The following UNC5D variants were observed in gnomAD, a reference collection of about 807,000 sequenced individuals.
UNC5D encodes the protein unc-5 netrin receptor D, also known as netrin receptor UNC5D.
In UNC5D, 39 loss-of-function variants were observed where a neutral mutation model predicts 105.4. The ratio of observed to expected loss-of-function variants is 0.37; its 90% CI spans 0.29 to 0.48. UNC5D has a LOEUF of 0.48. Ranked by LOEUF, UNC5D falls within the 20% of genes least tolerant of loss-of-function variation. UNC5D has a pLI of 0.98. For synonymous variants in UNC5D, 452 were observed against 450.4 expected (o/e 1.00, Z -0.04); for missense variants, 991 against 1,202.4 (o/e 0.82, Z 2.60).
intron 4 of UNC5D, among the ~76,000 whole-genome samples, chr8:35,681,796 AAAGT>A (rs1330398602): frequency 6.6e-6 from 1 of 152,176 alleles, no homozygotes; most frequent in Non-Finnish European, 1.5e-5. Context: ...AACCTCTTCT[AAAGT>A]AAGTTTTGGA....
chr8:35,658,686 C>T (rs781400238), intron 4 of UNC5D, among the ~76,000 whole-genome samples: 1 of 125,782 alleles, frequency 8.0e-6, no homozygotes, highest in East Asian at 2.7e-4. Flanking sequence ...GAGTCTCACT[C>T]TGTCGCCCAG....
chr8:35,478,173 C>T (rs1179553897), intron 1 of UNC5D, among the ~76,000 whole-genome samples: 1 of 152,098 alleles, frequency 6.6e-6, no homozygotes, highest in African/African-American at 2.4e-5. Flanking sequence ...TTAATCAACA[C>T]AGATGGGTTT....
chr8:35,687,588 A>G (rs923887989), intron 7 of UNC5D, among the ~76,000 whole-genome samples: 1 of 152,124 alleles, frequency 6.6e-6, no homozygotes, highest in Admixed American at 6.5e-5. Context: ...CTGAGATTAC[A>G]TTATTACCAT....
At chr8:35,556,372 G>A (rs1378307428) in intron 2 of UNC5D, among the ~76,000 whole-genome samples, 1 of 152,104 alleles carries the variant, frequency 6.6e-6, no homozygotes, top group Admixed American at 6.5e-5. Context: ...CAGTCATTCA[G>A]GTCGCATTGT....
intron 1 of UNC5D, among the ~76,000 whole-genome samples, chr8:35,343,001 C>T (rs1221414173): frequency 7.9e-5 from 12 of 152,076 alleles, no homozygotes; most frequent in Admixed American, 5.9e-4. Context: ...ATCAGAATCA[C>T]GGGGAGGTCT....
chr8:35,405,122 G>T (rs1038206908), intron 1 of UNC5D, among the ~76,000 whole-genome samples: 3 of 152,098 alleles, frequency 2.0e-5, no homozygotes, highest in African/African-American at 7.2e-5. Flanking sequence ...TTAAAGCCAA[G>T]AATTCAGAGA....
intron 1 of UNC5D, among the ~76,000 whole-genome samples, chr8:35,515,170 C>T (rs1181727684): frequency 2.6e-5 from 4 of 152,110 alleles, no homozygotes; most frequent in South Asian, 2.1e-4. Context: ...TTCTTGTATT[C>T]GGCAAAACTT....
At chr8:35,277,621 C>G (rs1490106680) in intron 1 of UNC5D, among the ~76,000 whole-genome samples, 1 of 152,102 alleles carries the variant, frequency 6.6e-6, no homozygotes, top group African/African-American at 2.4e-5. Context: ...GCTCACGGCC[C>G]TCATTGTTGT....
At chr8:35,697,376 T>C (rs1826864533) in intron 7 of UNC5D, among the ~76,000 whole-genome samples, 1 of 151,918 alleles carries the variant, frequency 6.6e-6, no homozygotes. Flanking sequence ...TAATGAGTTT[T>C]GAGGAGAAGT....
intron 1 of UNC5D, among the ~76,000 whole-genome samples, chr8:35,296,144 T>C (rs572508324): frequency 6.6e-6 from 1 of 152,192 alleles, no homozygotes; most frequent in Non-Finnish European, 1.5e-5. Flanking sequence ...GATACCTCTT[T>C]GAGTTATTCC....
chr8:35,665,356 A>G (rs1824357363), intron 4 of UNC5D, among the ~76,000 whole-genome samples: 1 of 152,074 alleles, frequency 6.6e-6, no homozygotes, highest in South Asian at 2.1e-4. Flanking sequence ...TCCTCCTTTT[A>G]ATGGCTTCTT....
At chr8:35,664,536 G>A (rs1367905468) in intron 4 of UNC5D, among the ~76,000 whole-genome samples, 7 of 151,994 alleles carry the variant, frequency 4.6e-5, no homozygotes, top group East Asian at 3.9e-4. Flanking sequence ...ATGCCACCAC[G>A]CCCAGATAAT....
At chr8:35,563,081 C>T (rs565143777) in intron 2 of UNC5D, among the ~76,000 whole-genome samples, 4 of 151,864 alleles carry the variant, frequency 2.6e-5, no homozygotes, top group South Asian at 4.2e-4. Flanking sequence ...GTTCTTGGTG[C>T]CATTCAGAGT....
chr8:35,628,448 T>C (rs1821829717), intron 4 of UNC5D, among the ~76,000 whole-genome samples: 1 of 152,190 alleles, frequency 6.6e-6, no homozygotes, highest in South Asian at 2.1e-4. Context: ...AAGCCCTTTT[T>C]AATGTTAAGA....
chr8:35,500,534 T>C (rs554679991), intron 1 of UNC5D, among the ~76,000 whole-genome samples: 2 of 152,374 alleles, frequency 1.3e-5, no homozygotes, highest in East Asian at 3.9e-4. Flanking sequence ...TGTGACCCAA[T>C]GAATGAAATA....
intron 4 of UNC5D, among the ~76,000 whole-genome samples, chr8:35,667,379 A>G (rs988402977): frequency 4.6e-5 from 7 of 152,192 alleles, no homozygotes; most frequent in Admixed American, 6.5e-5. Flanking sequence ...AAACACTGTT[A>G]GCTAGCTGTT....
chr8:35,764,270 G>T (rs934075618), intron 14 of UNC5D, among the ~76,000 whole-genome samples: 2 of 152,136 alleles, frequency 1.3e-5, no homozygotes, highest in East Asian at 1.9e-4. Context: ...GTGCTTAGGG[G>T]TATAATGCCA....
intron 12 of UNC5D, 136 bp downstream of exon 12, chr8:35,748,831 C>T: frequency 1.1e-6 from 1 of 927,302 alleles, no homozygotes; most frequent in African/African-American, 1.7e-5. Flanking sequence ...TTTATAATAT[C>T]CTAAACATAT....
At chr8:35,656,126 T>G (rs574500560) in intron 4 of UNC5D, among the ~76,000 whole-genome samples, 1 of 152,322 alleles carries the variant, frequency 6.6e-6, no homozygotes, top group East Asian at 1.9e-4. Flanking sequence ...CATCCACTCC[T>G]GAGTTATCTG....
Sources: allele counts gnomAD v4.1 joint callset (sites outside exome capture counted in the v4.1 genomes callset), GRCh38; gene constraint gnomAD v4.1.1; transcripts MANE v1.5; gene names NCBI Gene and HGNC (gene_info 2026-07-23, HGNC 2026-07-21).